CABLES1: variants seen among roughly 807,000 people sequenced by gnomAD.
CABLES1 encodes the protein CDK5 and ABL1 enzyme substrate 1.
A neutral mutation model predicts 57.8 loss-of-function variants in CABLES1; 36 were observed. The observed-to-expected ratio is 0.62, with a 90% CI of 0.48 to 0.82. CABLES1 has a LOEUF of 0.82. CABLES1 is among the 40% of genes least tolerant of loss of function. CABLES1 has a pLI of 0.00. For synonymous variants in CABLES1, 374 were observed against 363.0 expected (o/e 1.03, Z -0.35); for missense variants, 767 against 836.6 (o/e 0.92, Z 1.03).
At chr18:23,152,985 A>G (rs1203063617) in intron 1 of CABLES1, among the ~76,000 whole-genome samples, 3 of 151,576 alleles carry the variant, frequency 2.0e-5, no homozygotes, top group Non-Finnish European at 4.4e-5. Context: ...TATTTTTAGT[A>G]GAGACAGGGT....
rs1222366702 is a variant in CABLES1, at chr18:23,225,572, T to G, written c.1089-9036T>G. 2.0e-5 allele frequency among the ~76,000 whole-genome samples: 3 copies of G among 152,346 alleles called. No homozygotes were observed. The East Asian group carries it at 5.8e-4, about 29-fold the overall frequency. On this transcript the variant is annotated intron_variant, in intron 4 of 9. Coordinates refer to ENST00000256925, the MANE Select transcript of CABLES1 (RefSeq NM_001100619.3). ...AACAGATGTTGCCCAGCTTTTTCACTGTAACTGTAACATCAAACCTTCCCA... is the reference window on the plus strand; with the variant it reads ...AACAGATGTTGCCCAGCTTTTTCACGGTAACTGTAACATCAAACCTTCCCA...
Position 23,161,190 on chromosome 18 carries a change from C to T in CABLES1, c.845+24583C>T, listed in dbSNP as rs1038878899. Among the ~76,000 whole-genome samples the T allele has an allele frequency of 2.4e-4, 37 of 151,822 alleles. 1 individual carries two copies. Among genetic ancestry groups the T allele is most frequent in the Non-Finnish European group, 1.5e-5 (1 of 67,918 alleles). ...CAGCACTGCACTCCAGCCTGGGTGA[C>T]AGAGGGGAGACTCTGTCTCTCAAAA... On this transcript the variant is annotated intron_variant, in intron 1 of 9. Coordinates refer to ENST00000256925, the MANE Select transcript of CABLES1 (RefSeq NM_001100619.3).
chr18:23,157,195 G>C (rs1281834479), intron 1 of CABLES1, among the ~76,000 whole-genome samples: 1 of 152,184 alleles, frequency 6.6e-6, no homozygotes, highest in African/African-American at 2.4e-5. Flanking sequence ...TTGGAGACCA[G>C]CCTGGGCAGT....
chr18:23,139,139 C>CGGCTAT (rs1461430449), intron 1 of CABLES1, among the ~76,000 whole-genome samples: 5 of 152,076 alleles, frequency 3.3e-5, no homozygotes, highest in African/African-American at 1.2e-4. Flanking sequence ...TGGTGGCTCA[C>CGGCTAT]GGCTATAATC....
intron 7 of CABLES1, among the ~76,000 whole-genome samples, chr18:23,240,297 G>T (rs2047703143): frequency 6.6e-6 from 1 of 152,192 alleles, no homozygotes; most frequent in African/African-American, 2.4e-5. Context: ...CCCAAAGTAG[G>T]AAGGGGGTTG....
intron 3 of CABLES1, among the ~76,000 whole-genome samples, chr18:23,202,724 C>A (rs190356042): frequency 6.6e-6 from 1 of 151,840 alleles, no homozygotes; most frequent in Non-Finnish European, 1.5e-5. Flanking sequence ...TGGTGGCTCA[C>A]GCCTGTAATC....
intron 7 of CABLES1, among the ~76,000 whole-genome samples, chr18:23,244,401 T>C (rs2047822829): frequency 6.6e-6 from 1 of 152,208 alleles, no homozygotes; most frequent in Non-Finnish European, 1.5e-5. Flanking sequence ...GATTCGGTAT[T>C]TTGAATTCGA....
At chr18:23,140,276 A>C (rs745902017) in intron 1 of CABLES1, among the ~76,000 whole-genome samples, 1 of 152,170 alleles carries the variant, frequency 6.6e-6, no homozygotes, top group Admixed American at 6.5e-5. Flanking sequence ...ACTTCCTTGC[A>C]ACCAGCAGTT....
At chr18:23,216,395 A>C (rs2047442092) in intron 4 of CABLES1, among the ~76,000 whole-genome samples, 1 of 152,190 alleles carries the variant, frequency 6.6e-6, no homozygotes, top group Non-Finnish European at 1.5e-5. Flanking sequence ...TATCTGCAGA[A>C]ACCTTGCTGC....
intron 1 of CABLES1, among the ~76,000 whole-genome samples, chr18:23,170,203 C>G (rs2047072569): frequency 6.6e-6 from 1 of 152,162 alleles, no homozygotes; most frequent in African/African-American, 2.4e-5. Context: ...TACTCATGTA[C>G]AAGGGTGTTG....
At chr18:23,171,097 G>A (rs536807874) in intron 1 of CABLES1, among the ~76,000 whole-genome samples, 1 of 152,308 alleles carries the variant, frequency 6.6e-6, no homozygotes, top group South Asian at 2.1e-4. Context: ...CGCCCGGCCT[G>A]TTCTTTCCTT....
In CABLES1 at chr18:23,195,963, A is replaced by G. The variant is rs576643858; in HGVS notation, c.1010+1423A>G. Among the ~76,000 whole-genome samples, 4 of 152,316 alleles carry G rather than the reference A, an allele frequency of 2.6e-5. No individual in the cohort carries two copies. The South Asian group carries it at 6.2e-4, about 24-fold the overall frequency. ...AATGTAGAAAGCCTTTAATTTCTCA[A>G]TGAAATCAATGACAAAGCCAAAGGA... On this transcript the variant is annotated intron_variant, in intron 3 of 9. Coordinates refer to ENST00000256925, the MANE Select transcript of CABLES1 (RefSeq NM_001100619.3).
chr18:23,196,331 G>A (rs559127121), intron 3 of CABLES1, among the ~76,000 whole-genome samples: 1 of 152,176 alleles, frequency 6.6e-6, no homozygotes, highest in Non-Finnish European at 1.5e-5. Flanking sequence ...AGGCCACGGC[G>A]GGTCGTATGC....
chr18:23,167,037 G>A (rs2047047738), intron 1 of CABLES1, among the ~76,000 whole-genome samples: 2 of 152,110 alleles, frequency 1.3e-5, no homozygotes, highest in African/African-American at 2.4e-5. Context: ...CCAGGATGAG[G>A]GGAAGCTGGA....
chr18:23,218,443 GCCTCCC>G (rs2047459776), intron 4 of CABLES1, among the ~76,000 whole-genome samples: 1 of 92,976 alleles, frequency 1.1e-5, no homozygotes, highest in African/African-American at 5.1e-5. Flanking sequence ...CACTTGCCCT[GCCTCCC>G]GCATCCTCAC....
intron 1 of CABLES1, 36 bp from the exon 2 acceptor site, chr18:23,188,802 A>C: frequency 6.9e-7 from 1 of 1,452,666 alleles, no homozygotes; most frequent in Non-Finnish European, 9.7e-7. Context: ...TCTGCAATGC[A>C]GTTTTAACTC....
intron 1 of CABLES1, among the ~76,000 whole-genome samples, chr18:23,172,743 C>G (rs1254816189): frequency 6.6e-6 from 1 of 152,210 alleles, no homozygotes; most frequent in Non-Finnish European, 1.5e-5. Context: ...TCTCATGCTG[C>G]AAATTCACTT....
rs773032248 is a variant in CABLES1, at chr18:23,257,241, G to T, written c.1776G>T (p.Lys592Asn). 5.6e-6 allele frequency: 9 copies of T among 1,604,090 alleles called. No homozygotes were observed. The highest frequency in any genetic ancestry group is 7.6e-6 in the Non-Finnish European group (9 of 1,177,798). ...TTTTGTTGCAGAAACTGGAAGAGAA[G>T]TTCCGGCTGAACAGGCGAGAACTGA... ...VKHLIDKLEEKFRLNRRELIA... is the reference protein window; with the variant it reads ...VKHLIDKLEENFRLNRRELIA... The change falls in exon 10 of 10, where the codon AAG becomes AAT. Residue 592 changes from lysine (K) to asparagine (N), a missense_variant. Lys to Asn is a moderately conservative substitution (Grantham distance 94, BLOSUM62 0). Around this residue, in one of 4 missense-constraint regions of CABLES1, gnomAD observed 15 missense variants for 41.0 expected, o/e 0.37. Coordinates refer to ENST00000256925, the MANE Select transcript of CABLES1 (RefSeq NM_001100619.3).
intron 1 of CABLES1, among the ~76,000 whole-genome samples, chr18:23,168,335 C>T (rs1032453100): frequency 9.2e-5 from 14 of 152,210 alleles, no homozygotes; most frequent in Non-Finnish European, 1.5e-5. Context: ...ACCTTGGAAA[C>T]CTGCTGAGTG....
Sources: gnomAD v4.1 joint callset for allele counts (sites outside exome capture counted in the v4.1 genomes callset) on GRCh38, gnomAD v4.1.1 for gene constraint, gnomAD v4.1.1 regional missense constraint, MANE v1.5 for transcripts, NCBI Gene and HGNC (gene_info 2026-07-23, HGNC 2026-07-21) for gene names.